Variants in BBX observed in about 807,000 individuals in gnomAD.
BBX encodes the protein BBX high mobility group box domain containing.
A neutral mutation model predicts 100.2 loss-of-function variants in BBX; 30 were observed. The ratio of observed to expected loss-of-function variants is 0.30; its 90% CI spans 0.22 to 0.41. The LOEUF (loss-of-function observed/expected upper bound fraction) is 0.41. Among genes scored for constraint, BBX ranks in the 10% least tolerant of loss-of-function variants. The probability of loss-of-function intolerance (pLI) is 1.00; values close to 1 mark genes in which losing one functional copy is unlikely to be tolerated. For missense variants in BBX, 1,023 were observed against 1,129.8 expected (o/e 0.91, Z 1.35); for synonymous variants, 376 against 388.1 (o/e 0.97, Z 0.37).
chr3:107,706,650 C>T (rs2061414884), intron 3 of BBX, among the ~76,000 whole-genome samples: 1 of 152,074 alleles, frequency 6.6e-6, no homozygotes, highest in African/African-American at 2.4e-5. Context: ...GAATAAAGTC[C>T]AACATTTGCT....
chr3:107,658,785 A>G (rs1315969357), intron 3 of BBX, among the ~76,000 whole-genome samples: 1 of 152,058 alleles, frequency 6.6e-6, no homozygotes, highest in Non-Finnish European at 1.5e-5. Context: ...AGGTGTCATT[A>G]TTCCCATCTT....
chr3:107,685,547 G>A (rs1170724216), intron 3 of BBX, among the ~76,000 whole-genome samples: 1 of 152,192 alleles, frequency 6.6e-6, no homozygotes, highest in Non-Finnish European at 1.5e-5. Flanking sequence ...GCTCTCGCCA[G>A]TGATGCATCT....
At chr3:107,795,678 C>CT (rs1362591485) in intron 15 of BBX, among the ~76,000 whole-genome samples, 1 of 115,282 alleles carries the variant, frequency 8.7e-6, no homozygotes, top group Non-Finnish European at 1.6e-5. Flanking sequence ...CACTCCTTTA[C>CT]TTTCCTCCAA....
chr3:107,548,329 C>T (rs1452054109), intron 2 of BBX, among the ~76,000 whole-genome samples: 1 of 152,062 alleles, frequency 6.6e-6, no homozygotes, highest in Non-Finnish European at 1.5e-5. Context: ...TTGCCTTTTT[C>T]GTTAGACGTG....
At chr3:107,602,987 G>A (rs1358170541) in intron 2 of BBX, among the ~76,000 whole-genome samples, 4 of 152,096 alleles carry the variant, frequency 2.6e-5, no homozygotes, top group East Asian at 1.9e-4. Flanking sequence ...GTTTTGAGAC[G>A]GAGTCTCGTT....
intron 6 of BBX, among the ~76,000 whole-genome samples, 195 bp from the exon 7 acceptor site, chr3:107,732,761 G>A (rs2063387934): frequency 1.3e-5 from 2 of 152,152 alleles, no homozygotes. Context: ...TATTCAAGAG[G>A]CTCACAAAGT....
intron 2 of BBX, among the ~76,000 whole-genome samples, chr3:107,614,493 C>T (rs901272014): frequency 1.3e-5 from 2 of 151,542 alleles, no homozygotes; most frequent in African/African-American, 4.9e-5. Flanking sequence ...ATACATGTGA[C>T]TTATGTATAT....
rs548118220 is a variant in BBX, at chr3:107,559,774, G to A, written c.-84+33376G>A. ...TTGTTTTTTCTTTAAACAGATTCTC[G>A]CTCTGTCACCCTGGCTGGAGTGAAG... is the stretch of plus-strand genomic sequence containing the variant. On this transcript the variant is annotated intron_variant, in intron 2 of 17. Transcript: ENST00000325805. Among the ~76,000 whole-genome samples the A allele has an allele frequency of 3.9e-5, 6 of 152,218 alleles. No individual in the cohort carries two copies. The East Asian group carries it at 7.7e-4, about 20-fold the overall frequency.
Position 107,806,672 on chromosome 3 carries a change from A to C in BBX, c.*1215A>C, listed in dbSNP as rs547495794. 6.6e-6 allele frequency: 1 copy of C among 152,340 alleles called. No homozygotes were observed. Among genetic ancestry groups the C allele is most frequent in the East Asian group, 1.9e-4 (1 of 5,194 alleles). The allele number at this position is 152,340 out of a possible 1,614,324, so 9.4% of individuals were successfully genotyped here. A position where few individuals can be genotyped will look rare whatever the true frequency, so the allele number is the denominator to read the frequency against. On this transcript the variant is annotated 3_prime_UTR_variant, in exon 18 of 18. Transcript: ENST00000325805. The stretch of plus-strand genomic sequence containing the variant: ...CTTTTGAACATAAAACCAACCATAC[A>C]TAAGCAGCGCCAAGTGGATTAACTG...
rs1469379832 is a variant in BBX, at chr3:107,752,820, G to A, written c.826-2778G>A. Among the ~76,000 whole-genome samples the A allele has an allele frequency of 3.9e-5, 6 of 152,266 alleles. No homozygotes were observed. The East Asian group carries it at 1.2e-3, about 29-fold the overall frequency. On this transcript the variant is annotated intron_variant, in intron 9 of 17. Coordinates refer to ENST00000325805, the MANE Select transcript of BBX (RefSeq NM_001142568.3). ...ATCCTATGCCGTATGGCCCACTAGT[G>A]CCCTCTACCTACCAACCTAGCAAAC...
At chr3:107,637,916 C>A (rs986896603) in intron 2 of BBX, among the ~76,000 whole-genome samples, 2 of 151,986 alleles carry the variant, frequency 1.3e-5, no homozygotes, top group African/African-American at 4.8e-5. Flanking sequence ...TCCTTTATTT[C>A]CTTCCTTTTC....
chr3:107,765,553 C>T (rs1283140557), intron 10 of BBX, among the ~76,000 whole-genome samples: 1 of 152,090 alleles, frequency 6.6e-6, no homozygotes, highest in Non-Finnish European at 1.5e-5. Flanking sequence ...CTCAAGCGAT[C>T]CTCTTGCCTC....
intron 2 of BBX, among the ~76,000 whole-genome samples, chr3:107,630,897 T>C (rs2056505172): frequency 6.6e-6 from 1 of 152,176 alleles, no homozygotes; most frequent in Non-Finnish European, 1.5e-5. Context: ...AAAAAGGAAC[T>C]GTCAAAAGCC....
At chr3:107,612,859 G>A (rs1297648672) in intron 2 of BBX, among the ~76,000 whole-genome samples, 2 of 152,212 alleles carry the variant, frequency 1.3e-5, no homozygotes, top group African/African-American at 4.8e-5. Context: ...CCCTGGGTGG[G>A]TCCAGAGATG....
intron 7 of BBX, among the ~76,000 whole-genome samples, chr3:107,740,986 T>C (rs931637524): frequency 1.3e-5 from 2 of 149,572 alleles, no homozygotes; most frequent in African/African-American, 5.0e-5. Flanking sequence ...ACAAGTAGAA[T>C]ACAAGCTTCT....
intron 3 of BBX, among the ~76,000 whole-genome samples, chr3:107,646,819 A>G (rs1426734595): frequency 6.6e-6 from 1 of 152,118 alleles, no homozygotes; most frequent in East Asian, 1.9e-4. Context: ...TTGGTAGCTT[A>G]TTACATCTGT....
At chr3:107,650,620 G>GT (rs1178652344) in intron 3 of BBX, among the ~76,000 whole-genome samples, 1 of 151,978 alleles carries the variant, frequency 6.6e-6, no homozygotes, top group Non-Finnish European at 1.5e-5. Context: ...TATAAAAATG[G>GT]TTTTTTTGGG....
chr3:107,773,465 G>A lies in BBX; in HGVS notation c.1744G>A (p.Asp582Asn), dbSNP rs1483667453. ...AGCAGAACCATTGACCCCTATGGAA[G>A]ATGCACTACCACCCAGCCTATCAGG... ...IKAEPLTPMEDALPPSLSGQA... is the reference protein window; with the variant it reads ...IKAEPLTPMENALPPSLSGQA... Residue 582 changes from aspartate (D) to asparagine (N), a missense_variant, in exon 11 of 18, where the codon GAT becomes AAT. Physicochemically the swap from Asp to Asn is conservative, Grantham distance 23. Coordinates refer to ENST00000325805, the MANE Select transcript of BBX (RefSeq NM_001142568.3). The surrounding 1 kb of genome is among the most constrained non-coding windows in gnomAD (Gnocchi z 4.1). 2 of 1,614,008 alleles carry A rather than the reference G, an allele frequency of 1.2e-6. No homozygotes were observed. The highest frequency in any genetic ancestry group is 1.7e-6 in the Non-Finnish European group (2 of 1,179,992).
At chr3:107,655,712 T>A (rs1235409623) in intron 3 of BBX, among the ~76,000 whole-genome samples, 2 of 151,338 alleles carry the variant, frequency 1.3e-5, no homozygotes, top group Admixed American at 1.3e-4. Context: ...TTATTTTTTT[T>A]TTTTTTGAGA....
Sources: allele counts gnomAD v4.1 joint callset (sites outside exome capture counted in the v4.1 genomes callset), GRCh38; gene constraint gnomAD v4.1.1; non-coding constraint Gnocchi (gnomAD v3.1); transcripts MANE v1.5; gene names NCBI Gene and HGNC (gene_info 2026-07-23, HGNC 2026-07-21).